SNRNP200: variants seen among roughly 807,000 people sequenced by gnomAD.
SNRNP200 encodes the protein small nuclear ribonucleoprotein U5 subunit 200, also known as U5 small nuclear ribonucleoprotein 200 kDa helicase.
Under a neutral mutation model 255.2 loss-of-function variants are expected in SNRNP200, and 66 were observed. The ratio of observed to expected loss-of-function variants is 0.26; its 90% CI spans 0.21 to 0.32. The LOEUF (loss-of-function observed/expected upper bound fraction) is 0.32, where lower values mean the gene tolerates loss of function less well. Ranked by LOEUF, SNRNP200 falls within the 10% of genes least tolerant of loss-of-function variation. The pLI is 1.00. For missense variants in SNRNP200, 1,585 were observed against 2,749.8 expected (o/e 0.58, Z 9.47); for synonymous variants, 939 against 1,027.8 (o/e 0.91, Z 1.65).
At chr2:96,275,830 G>A (rs1278641072) in intron 43 of SNRNP200, among the ~76,000 whole-genome samples, 2 of 152,174 alleles carry the variant, frequency 1.3e-5, no homozygotes, top group Non-Finnish European at 2.9e-5. Flanking sequence ...GTGAAACTCC[G>A]TCTCTACCAA....
In SNRNP200 at chr2:96,277,753, G is replaced by A; in HGVS notation, c.5755-38C>T. 6.2e-7 allele frequency: 1 copy of A among 1,614,122 alleles called. No homozygotes were observed. Among genetic ancestry groups the A allele is most frequent in the Non-Finnish European group, 8.5e-7 (1 of 1,180,020 alleles). ...AGGAGTATAAAAGTGGGCGGAGTTG[G>A]AGCTGAGATGTTTAGAGCACCACTG... On this transcript the variant is annotated intron_variant, in intron 40 of 44. Coordinates refer to ENST00000323853, the MANE Select transcript of SNRNP200 (RefSeq NM_014014.5). This position sits in a 1 kb window ranked among gnomAD's most constrained non-coding sequence, Gnocchi z 4.4.
intron 14 of SNRNP200, 99 bp from the exon 15 acceptor site, chr2:96,293,608 T>C: frequency 8.7e-7 from 1 of 1,142,946 alleles, no homozygotes; most frequent in South Asian, 1.3e-5. Flanking sequence ...CTAATATGCC[T>C]AAGAAAAAAG....
At position 96,287,572 on chromosome 2, in the gene SNRNP200, G is replaced by A. The variant is rs745899662; in HGVS notation, c.3366-15C>T. On this transcript the variant is annotated splice_polypyrimidine_tract_variant and intron_variant, in intron 25 of 44. Transcript: ENST00000323853. The surrounding 1 kb of genome is among the most constrained non-coding windows in gnomAD (Gnocchi z 5.7). The stretch of plus-strand genomic sequence containing the variant: ...TGGACTGCCACCTATCCAGGAAGGA[G>A]GCAAAGCTGTTGGTCCCTTCTGCAG... 7 of 1,595,972 alleles carry A rather than the reference G, an allele frequency of 4.4e-6. No homozygotes were observed. In the African/African-American group the frequency reaches 5.4e-5, roughly 12 times the overall value.
rs1483723962 is a variant in SNRNP200, at chr2:96,279,246, C to T, written c.5133+205G>A. ...GAGAGAACCAAGTAGAGGGTGAAGA[C>T]CTCAACACGTGGAGCCAACGGCAGC... On this transcript the variant is annotated intron_variant, in intron 36 of 44. Transcript: ENST00000323853. 4 of 652,608 alleles carry T rather than the reference C, an allele frequency of 6.1e-6. No homozygotes were observed. In the East Asian group the frequency reaches 1.1e-4, roughly 18 times the overall value. 40.4% of individuals were successfully genotyped at this position (652,608 alleles called of 1,614,324 possible).
intron 6 of SNRNP200, among the ~76,000 whole-genome samples, 178 bp downstream of exon 6, chr2:96,299,151 A>G (rs1299661176): frequency 6.6e-6 from 1 of 152,190 alleles, no homozygotes; most frequent in African/African-American, 2.4e-5. Context: ...ATCAACATAC[A>G]TCTTTGGGAA....
At chr2:96,285,861 G>C (rs1237635186) in intron 29 of SNRNP200, among the ~76,000 whole-genome samples, 1 of 152,236 alleles carries the variant, frequency 6.6e-6, no homozygotes, top group Non-Finnish European at 1.5e-5. Flanking sequence ...ACTAATGGCA[G>C]TATCTCCAAT....
At chr2:96,284,957 C>T (rs2063835123) in intron 30 of SNRNP200, 1 of 623,178 alleles carries the variant, frequency 1.6e-6, no homozygotes, top group African/African-American at 1.8e-5. Flanking sequence ...ACCATGTTGG[C>T]CAGGCTGGTC....
chr2:96,294,365 G>T (rs777934635), intron 14 of SNRNP200, among the ~76,000 whole-genome samples: 4 of 152,088 alleles, frequency 2.6e-5, no homozygotes, highest in Non-Finnish European at 5.9e-5. Flanking sequence ...TTGAACCCGG[G>T]AGGCGGAGGC....
chr2:96,285,815 C>T (rs983355594), intron 29 of SNRNP200, among the ~76,000 whole-genome samples: 4 of 152,214 alleles, frequency 2.6e-5, no homozygotes, highest in African/African-American at 9.7e-5. Context: ...AACTGGGGAA[C>T]CCTCTATGCC....
chr2:96,278,577 C>T lies in SNRNP200; in HGVS notation c.5458G>A (p.Ala1820Thr), dbSNP rs1684709545. 6.2e-7 allele frequency: 1 copy of T among 1,614,084 alleles called. No homozygotes were observed. The highest frequency in any genetic ancestry group is 8.5e-7 in the Non-Finnish European group (1 of 1,180,038). The change falls in exon 38 of 45, where the codon GCC (alanine) becomes ACC (threonine). Residue 1820 changes from alanine (A) to threonine (T), a missense_variant. Coordinates refer to ENST00000323853, the MANE Select transcript of SNRNP200 (RefSeq NM_014014.5). This position sits in a 1 kb window ranked among gnomAD's most constrained non-coding sequence, Gnocchi z 6.9. ...GTGGTGTAGTTGATGTAATAGTAGG[C>T]GGCGATCATGCCTAGGTTCAGAGGC... is the stretch of plus-strand genomic sequence containing the variant. ...VAPLNLGMIAAYYYINYTTIE... is the reference protein window; with the variant it reads ...VAPLNLGMIATYYYINYTTIE...
rs372646099 is a variant in SNRNP200 at position 96,290,646 on chromosome 2, C to A, written c.2553+38G>T. 6.2e-6 allele frequency: 10 copies of A among 1,614,006 alleles called. No individual in the cohort carries two copies. Among genetic ancestry groups the A allele is most frequent in the Non-Finnish European group, 8.5e-6 (10 of 1,179,898 alleles). ...CATCCCTGCATTTCAGGCAAGGATA[C>A]TGATCCCTGCTGAGAATAAACTCAA... On this transcript the variant is annotated intron_variant, in intron 19 of 44. Coordinates refer to ENST00000323853, the MANE Select transcript of SNRNP200 (RefSeq NM_014014.5). The surrounding 1 kb of genome is among the most constrained non-coding windows in gnomAD (Gnocchi z 4.5).
rs769774837 is a variant in SNRNP200, at chr2:96,303,340, A to G, written c.210-10T>C. On this transcript the variant is annotated splice_polypyrimidine_tract_variant and intron_variant, in intron 2 of 44. Transcript: ENST00000323853. ...ATCACGCTTTCTTCGCCTAATGGAC[A>G]TGCAATGTGATATTGAATGGCAGAA... is the stretch of plus-strand genomic sequence containing the variant. 16 of 1,614,080 alleles carry G rather than the reference A, an allele frequency of 9.9e-6. No homozygotes were observed. The highest frequency in any genetic ancestry group is 8.8e-5 in the South Asian group (8 of 91,072).
chr2:96,297,285 G>T (rs1006277928), intron 11 of SNRNP200, 78 bp downstream of exon 11: 3 of 1,579,020 alleles, frequency 1.9e-6, no homozygotes, highest in Non-Finnish European at 2.6e-6. Flanking sequence ...TATGAAACAA[G>T]GCTACATTTT....
At chr2:96,297,160 A>C in intron 11 of SNRNP200, 90 bp from the exon 12 acceptor site, 1 of 1,591,246 alleles carries the variant, frequency 6.3e-7, no homozygotes, top group Non-Finnish European at 8.6e-7. Context: ...GTTCCCTGGC[A>C]ATCTCTTTGC....
At position 96,284,001 on chromosome 2, in the gene SNRNP200, C is replaced by T; in HGVS notation, c.4396G>A (p.Val1466Ile). 2 of 1,586,756 alleles carry T rather than the reference C, an allele frequency of 1.3e-6. No homozygotes were observed. The highest frequency in any genetic ancestry group is 2.3e-5 in the East Asian group (1 of 43,224). ...VHLIGGENGP[V>I]LEVICSRMRY... ...ATTCGGGAGCAGATCACTTCTAAGA[C>T]AGGCTGGAAAGAGGGAGGGAGGGAG... Residue 1466 changes from valine to isoleucine, a missense_variant, in exon 32 of 45, where the codon GTC becomes ATC. Val to Ile is a conservative substitution (Grantham distance 29). Around this residue, in one of 9 missense-constraint regions of SNRNP200, gnomAD observed 719 missense variants for 1,091.1 expected, o/e 0.66. Coordinates refer to ENST00000323853, the MANE Select transcript of SNRNP200 (RefSeq NM_014014.5).
intron 43 of SNRNP200, chr2:96,276,620 C>T (rs1000467310): frequency 7.7e-5 from 32 of 415,828 alleles, no homozygotes; most frequent in Non-Finnish European, 1.1e-4. Context: ...CGGGGTTTCA[C>T]TATGTTGGCC....
rs746350531 is a variant in SNRNP200 at position 96,291,204 on chromosome 2, C to G, written c.2421+188G>C. On this transcript the variant is annotated intron_variant, in intron 18 of 44. Transcript: ENST00000323853. The surrounding 1 kb of genome is among the most constrained non-coding windows in gnomAD (Gnocchi z 4.2). ...TATGCTTCTCAGACTATCCTAAACT[C>G]AAGCAAGGTGGGAAGAGTTGGGAGA... 2.0e-5 allele frequency among the ~76,000 whole-genome samples: 3 copies of G among 152,136 alleles called. No homozygotes were observed. Among genetic ancestry groups the G allele is most frequent in the African/African-American group, 7.2e-5 (3 of 41,428 alleles).
Position 96,296,591 on chromosome 2 carries a change from A to G in SNRNP200, c.1616T>C (p.Ile539Thr). 4 of 1,614,104 alleles carry G rather than the reference A, an allele frequency of 2.5e-6. No homozygotes were observed. Among genetic ancestry groups the G allele is most frequent in the Non-Finnish European group, 3.4e-6 (4 of 1,180,012 alleles). Residue 539 changes from isoleucine to threonine, a missense_variant, in exon 13 of 45, where the codon ATC (isoleucine) becomes ACC (threonine). Ile to Thr is a moderately conservative substitution (Grantham distance 89). Coordinates refer to ENST00000323853, the MANE Select transcript of SNRNP200 (RefSeq NM_014014.5). ...CAAGGAGCGCATGGGGGCAATGTAGATAATCTTGAAGTCATCCACATTGAT... is the reference window on the plus strand; with the variant it reads ...CAAGGAGCGCATGGGGGCAATGTAGGTAATCTTGAAGTCATCCACATTGAT... ...GTINVDDFKIIYIAPMRSLVQ... is the reference protein window; with the variant it reads ...GTINVDDFKITYIAPMRSLVQ...
In SNRNP200 at chr2:96,299,247, G is replaced by GT. The variant is rs1558771512; in HGVS notation, c.729+81dup. Reference sequence around the variant, plus strand: ...TCCAGCAAAAAGTGGCTCAATAAATGTAACAGGACCTAGGCATGGGGAAGA... The same window carrying GT: ...TCCAGCAAAAAGTGGCTCAATAAATGTTAACAGGACCTAGGCATGGGGAAGA... On this transcript the variant is annotated intron_variant, in intron 6 of 44. Transcript: ENST00000323853. 4 of 1,296,880 alleles carry GT rather than the reference G, an allele frequency of 3.1e-6. 1 individual carries two copies. The highest frequency in any genetic ancestry group is 2.2e-6 in the Non-Finnish European group (2 of 895,372). 80.3% of individuals were successfully genotyped at this position (1,296,880 alleles called of 1,614,324 possible). A position where few individuals can be genotyped will look rare whatever the true frequency, so the allele number is the denominator to read the frequency against.
Sources: gnomAD v4.1 joint callset for allele counts (sites outside exome capture counted in the v4.1 genomes callset) on GRCh38, gnomAD v4.1.1 for gene constraint, gnomAD v4.1.1 regional missense constraint, Gnocchi (gnomAD v3.1) non-coding constraint, MANE v1.5 for transcripts, NCBI Gene and HGNC (gene_info 2026-07-23, HGNC 2026-07-21) for gene names.